CA4: variants seen among roughly 807,000 people sequenced by gnomAD.
CA4 encodes the protein carbonic anhydrase 4.
CA4 carries 24 observed loss-of-function variants against 34.5 expected under a neutral mutation model. The ratio of observed to expected loss-of-function variants is 0.70; its 90% CI spans 0.50 to 0.98. The LOEUF is 0.98. Ranked by LOEUF, CA4 falls within the 50% of genes least tolerant of loss-of-function variation. The pLI, the probability that CA4 is intolerant of heterozygous loss-of-function variation, is 0.00. For missense variants in CA4, 394 were observed against 396.7 expected (o/e 0.99, Z 0.06); for synonymous variants, 178 against 170.6 (o/e 1.04, Z -0.34).
chr17:60,155,335 T>C lies in CA4; in HGVS notation c.80T>C (p.Val27Ala). Reference sequence around the variant, plus strand: ...CCAGAGTCACACTGGTGCTACGAGGTTCAAGCCGAGTCCTCCAACTACCCC... The same window carrying C: ...CCAGAGTCACACTGGTGCTACGAGGCTCAAGCCGAGTCCTCCAACTACCCC... The part of the protein sequence containing the change: ...ASAESHWCYE[V>A]QAESSNYPCL... Residue 27 changes from valine (V) to alanine (A), a missense_variant, in exon 2 of 8, where the codon GTT becomes GCT. Val to Ala is a moderately conservative substitution (Grantham distance 64). Coordinates refer to ENST00000300900, the MANE Select transcript of CA4 (RefSeq NM_000717.5). 2 of 1,610,454 alleles carry C rather than the reference T, an allele frequency of 1.2e-6. No individual in the cohort carries two copies. Among genetic ancestry groups the C allele is most frequent in the Non-Finnish European group, 1.7e-6 (2 of 1,178,682 alleles).
downstream of CA4, among the ~76,000 whole-genome samples, chr17:60,161,805 G>C (rs1455688835): frequency 6.6e-6 from 1 of 152,134 alleles, no homozygotes; most frequent in African/African-American, 2.4e-5. Flanking sequence ...TCAGCGGGGG[G>C]TGTGTGGACG....
chr17:60,154,739 G>A (rs2083648705), intron 1 of CA4, among the ~76,000 whole-genome samples: 1 of 152,200 alleles, frequency 6.6e-6, no homozygotes, highest in Non-Finnish European at 1.5e-5. Context: ...GAGGGGCAGG[G>A]GAGGAAGCCT....
At chr17:60,173,165 C>A (rs532741608), downstream of CA4, among the ~76,000 whole-genome samples, 7 of 150,360 alleles carry the variant, frequency 4.7e-5, no homozygotes, top group East Asian at 1.2e-3. Context: ...AACAAACAAA[C>A]AAAAAAACTA....
At chr17:60,153,629 G>A (rs2083628055) in intron 1 of CA4, among the ~76,000 whole-genome samples, 1 of 152,192 alleles carries the variant, frequency 6.6e-6, no homozygotes, top group Non-Finnish European at 1.5e-5. Context: ...CCCCTTTCCT[G>A]TAACATGCCT....
rs772733553 is a variant in CA4 at position 60,155,353 on chromosome 17, A to G, written c.98A>G (p.Asn33Ser). The part of the protein sequence containing the change: ...WCYEVQAESS[N>S]YPCLVPVKWG... ...TACGAGGTTCAAGCCGAGTCCTCCA[A>G]CTACCCCTGCTTGGGTGAGTACAGC... The change falls in exon 2 of 8, where the codon AAC (asparagine) becomes AGC (serine). Residue 33 changes from asparagine (N) to serine (S), a missense_variant. Physicochemically the swap from Asn to Ser is conservative, Grantham distance 46. Coordinates refer to ENST00000300900, the MANE Select transcript of CA4 (RefSeq NM_000717.5). 1 of 1,610,456 alleles carries G rather than the reference A, an allele frequency of 6.2e-7. No individual in the cohort carries two copies. Among genetic ancestry groups the G allele is most frequent in the Admixed American group, 1.7e-5 (1 of 59,624 alleles).
chr17:60,164,224 CT>C (rs1196556021), downstream of CA4, among the ~76,000 whole-genome samples: 1 of 131,660 alleles, frequency 7.6e-6, no homozygotes, highest in Admixed American at 8.3e-5. Flanking sequence ...CTTTCTTTCT[CT>C]TTCTCTTTCT....
At chr17:60,160,438 C>T (rs927805765), downstream of CA4, among the ~76,000 whole-genome samples, 1 of 152,074 alleles carries the variant, frequency 6.6e-6, no homozygotes, top group African/African-American at 2.4e-5. Context: ...TCTAATAGAT[C>T]GGGAGGCAGT....
downstream of CA4, among the ~76,000 whole-genome samples, chr17:60,161,034 G>A (rs1182409267): frequency 3.3e-5 from 5 of 151,998 alleles, no homozygotes; most frequent in African/African-American, 7.3e-5. Context: ...AGGGGCTGCC[G>A]CAGTGCCCAG....
intron 7 of CA4, 179 bp downstream of exon 7, chr17:60,158,625 C>T (rs900769467): frequency 3.1e-6 from 2 of 653,236 alleles, no homozygotes; most frequent in Middle Eastern, 4.1e-4. Context: ...GTTCCATCAC[C>T]AGATTGGGGG....
chr17:60,163,706 C>T (rs933723854), downstream of CA4, among the ~76,000 whole-genome samples: 4 of 152,166 alleles, frequency 2.6e-5, no homozygotes, highest in African/African-American at 7.2e-5. Flanking sequence ...CGGCTGGACA[C>T]GTGGGAGGCT....
downstream of CA4, among the ~76,000 whole-genome samples, chr17:60,160,001 G>A (rs560712123): frequency 1.3e-5 from 2 of 152,336 alleles, no homozygotes; most frequent in South Asian, 4.1e-4. Flanking sequence ...TTAACCAGGT[G>A]TGGTGGTGCA....
chr17:60,164,563 A>T (rs1353595838), intron 5 of CA4, among the ~76,000 whole-genome samples: 1 of 151,394 alleles, frequency 6.6e-6, no homozygotes, highest in Non-Finnish European at 1.5e-5. Context: ...AATTTTTTTC[A>T]TATTTTTAGT....
chr17:60,151,710 T>C (rs2083594944), intron 1 of CA4, among the ~76,000 whole-genome samples: 4 of 152,140 alleles, frequency 2.6e-5, no homozygotes. Flanking sequence ...GTGTCAGGAA[T>C]GTGTCTCAGC....
Position 60,158,043 on chromosome 17 carries a change from C to T in CA4, c.514-18C>T, listed in dbSNP as rs752950699. On this transcript the variant is annotated intron_variant, in intron 5 of 7. Coordinates refer to ENST00000300900, the MANE Select transcript of CA4 (RefSeq NM_000717.5). ...GGCTCCCTGCAGACTTTCTCAAGAC[C>T]CTTCCCTCCCTTTCCAGGCTGGAAC... 1.4e-5 allele frequency: 23 copies of T among 1,613,462 alleles called. No individual in the cohort carries two copies. The highest frequency in any genetic ancestry group is 3.3e-5 in the South Asian group (3 of 90,920).
chr17:60,159,200 C>A, intron 7 of CA4, 30 bp from the exon 8 acceptor site: 1 of 1,570,488 alleles, frequency 6.4e-7, no homozygotes, highest in South Asian at 1.2e-5. Flanking sequence ...TCCCCCTGCC[C>A]CGACCTGCTG....
downstream of CA4, among the ~76,000 whole-genome samples, chr17:60,163,979 A>T (rs1173608441): frequency 6.6e-6 from 1 of 151,836 alleles, no homozygotes; most frequent in Admixed American, 6.6e-5. Flanking sequence ...AGGGGGAAAA[A>T]AAGAAGCCAG....
In CA4 at chr17:60,159,395, G is replaced by C; in HGVS notation, c.910G>C (p.Ala304Pro). The C allele has an allele frequency of 1.2e-6, 2 of 1,612,386 alleles. No individual in the cohort carries two copies. The highest frequency in any genetic ancestry group is 1.7e-6 in the Non-Finnish European group (2 of 1,179,708). The change falls in exon 8 of 8, where the codon GCC becomes CCC. Residue 304 changes from alanine to proline, a missense_variant. By Grantham distance (27) the Ala-to-Pro change is conservative. Transcript: ENST00000300900. ...ALPALLGPML[A>P]CLLAGFLR Reference sequence around the variant, plus strand: ...GCCTGCCCTGCTGGGCCCCATGCTGGCCTGCCTGCTGGCCGGCTTCCTGCG... The same window carrying C: ...GCCTGCCCTGCTGGGCCCCATGCTGCCCTGCCTGCTGGCCGGCTTCCTGCG...
chr17:60,178,844 G>A, the CA4 span, among the ~76,000 whole-genome samples: 1 of 152,174 alleles, frequency 6.6e-6, no homozygotes, highest in African/African-American at 2.4e-5. Flanking sequence ...ATATCATGTC[G>A]TCCCTAGACA....
chr17:60,169,282 G>A (rs892432077), intron 5 of CA4, among the ~76,000 whole-genome samples: 3 of 151,000 alleles, frequency 2.0e-5, no homozygotes, highest in African/African-American at 7.4e-5. Context: ...AGCAGCAGCA[G>A]CAGCAACAGC....
Sources: allele counts gnomAD v4.1 joint callset (sites outside exome capture counted in the v4.1 genomes callset), GRCh38; gene constraint gnomAD v4.1.1; transcripts MANE v1.5; gene names NCBI Gene and HGNC (gene_info 2026-07-23, HGNC 2026-07-21).